Variants in CTNNA2 observed in about 807,000 individuals in gnomAD.
CTNNA2 encodes the protein catenin alpha-2.
In CTNNA2, 42 loss-of-function variants were observed where a neutral mutation model predicts 101.0. That is an observed-to-expected ratio of 0.42 (90% CI 0.32 to 0.54). The LOEUF (loss-of-function observed/expected upper bound fraction) is 0.54. CTNNA2 is among the 20% of genes least tolerant of loss of function. CTNNA2 has a pLI of 0.14. For missense variants in CTNNA2, 871 were observed against 1,223.1 expected (o/e 0.71, Z 4.29); for synonymous variants, 450 against 456.4 (o/e 0.99, Z 0.18).
chr2:79,586,477 C>G (rs1676492809), intron 1 of CTNNA2, among the ~76,000 whole-genome samples: 1 of 151,682 alleles, frequency 6.6e-6, no homozygotes, highest in African/African-American at 2.4e-5. Flanking sequence ...TTTTTCTTTT[C>G]TACAAAGCCT....
chr2:80,208,147 A>G (rs1707645689), intron 7 of CTNNA2, among the ~76,000 whole-genome samples: 1 of 152,320 alleles, frequency 6.6e-6, no homozygotes, highest in South Asian at 2.1e-4. Context: ...CTTTATTTAC[A>G]GAAGGATTAC....
At chr2:79,959,044 G>C (rs1379801443) in intron 7 of CTNNA2, among the ~76,000 whole-genome samples, 1 of 144,070 alleles carries the variant, frequency 6.9e-6, no homozygotes, top group Non-Finnish European at 1.5e-5. Context: ...CTCGACTGTA[G>C]CTCCGTTTTT....
chr2:80,545,141 T>G, intron 10 of CTNNA2, 67 bp downstream of exon 10: 1 of 1,428,994 alleles, frequency 7.0e-7, no homozygotes, highest in Non-Finnish European at 9.7e-7. Context: ...CTTGTGCCCC[T>G]CCTTTTCCTT....
At chr2:79,654,890 A>AT (rs1465500697) in intron 2 of CTNNA2, among the ~76,000 whole-genome samples, 1 of 152,182 alleles carries the variant, frequency 6.6e-6, no homozygotes, top group East Asian at 1.9e-4. Context: ...TGATTCATGA[A>AT]TTTTTTATGG....
At chr2:79,202,337 T>G (rs986339093) in intron 2 of CTNNA2, among the ~76,000 whole-genome samples, 2 of 145,890 alleles carry the variant, frequency 1.4e-5, no homozygotes, top group African/African-American at 5.2e-5. Flanking sequence ...GTTTTTTTAT[T>G]TTTTTTATTT....
At chr2:79,819,763 G>A (rs548631779) in intron 3 of CTNNA2, among the ~76,000 whole-genome samples, 32 of 152,128 alleles carry the variant, frequency 2.1e-4, no homozygotes, top group Admixed American at 5.9e-4. Context: ...ATAATTGATT[G>A]TACATATTGT....
chr2:80,435,896 G>C (rs971569704), intron 9 of CTNNA2, among the ~76,000 whole-genome samples: 3 of 152,126 alleles, frequency 2.0e-5, no homozygotes, highest in Non-Finnish European at 4.4e-5. Context: ...ATAGTGCCCT[G>C]ACATATTGCA....
At chr2:80,596,566 C>T (rs1026463956) in intron 15 of CTNNA2, among the ~76,000 whole-genome samples, 1 of 151,758 alleles carries the variant, frequency 6.6e-6, no homozygotes, top group Non-Finnish European at 1.5e-5. Flanking sequence ...CCCACCTTGG[C>T]CTCTCAAAGT....
chr2:80,139,308 A>G (rs1480617879), intron 7 of CTNNA2, among the ~76,000 whole-genome samples: 1 of 152,168 alleles, frequency 6.6e-6, no homozygotes, highest in South Asian at 2.1e-4. Flanking sequence ...AAGCCACCTG[A>G]TGAAAAATGA....
At chr2:79,385,896 G>A (rs1189987640) in intron 4 of CTNNA2, among the ~76,000 whole-genome samples, 1 of 152,182 alleles carries the variant, frequency 6.6e-6, no homozygotes, top group Non-Finnish European at 1.5e-5. Context: ...GTATTTCATG[G>A]TGTATATGTG....
At chr2:80,496,098 G>A (rs1206385139) in intron 9 of CTNNA2, among the ~76,000 whole-genome samples, 1 of 152,094 alleles carries the variant, frequency 6.6e-6, no homozygotes, top group Non-Finnish European at 1.5e-5. Context: ...CACAGAAGAG[G>A]CAAGAAAGGA....
rs190933122 is a variant in CTNNA2 at position 80,339,247 on chromosome 2, C to T, written c.1057-53964C>T. On this transcript the variant is annotated intron_variant, in intron 7 of 18. Transcript: ENST00000402739. ...AGTTTCAATAATCAACTCTCTTTTG[C>T]AAGGAATAAAATATGTTATAGCCAG... Among the ~76,000 whole-genome samples, 512 of 152,074 alleles carry T rather than the reference C, an allele frequency of 3.4e-3. 2 individuals carry two copies. The highest frequency in any genetic ancestry group is 5.7e-3 in the Non-Finnish European group (391 of 68,012).
intron 7 of CTNNA2, among the ~76,000 whole-genome samples, chr2:80,027,277 C>T (rs879775149): frequency 7.9e-5 from 12 of 152,142 alleles, no homozygotes; most frequent in Admixed American, 2.0e-4. Flanking sequence ...CACAAAGGCC[C>T]GAGCTTGCTG....
At chr2:80,557,268 G>A (rs916130147) in intron 12 of CTNNA2, among the ~76,000 whole-genome samples, 2 of 152,176 alleles carry the variant, frequency 1.3e-5, no homozygotes, top group Admixed American at 1.3e-4. Flanking sequence ...TTTCACATAA[G>A]CTTGCCCTTT....
At chr2:79,589,502 A>G (rs1267216075) in intron 1 of CTNNA2, among the ~76,000 whole-genome samples, 1 of 151,880 alleles carries the variant, frequency 6.6e-6, no homozygotes, top group Non-Finnish European at 1.5e-5. Context: ...CTCCATTGCC[A>G]TTTAGAAGGT....
At chr2:80,075,626 A>ATT (rs1472017707) in intron 7 of CTNNA2, among the ~76,000 whole-genome samples, 6 of 105,668 alleles carry the variant, frequency 5.7e-5, no homozygotes, top group South Asian at 3.1e-4. Context: ...AAATATAAAT[A>ATT]TTTATACATG....
intron 7 of CTNNA2, among the ~76,000 whole-genome samples, chr2:79,953,044 A>G (rs182415951): frequency 3.9e-5 from 6 of 152,310 alleles, no homozygotes; most frequent in African/African-American, 1.4e-4. Flanking sequence ...ATGAATGAAG[A>G]TAATCCCTTT....
chr2:79,433,645 A>C (rs868014726), intron 4 of CTNNA2, among the ~76,000 whole-genome samples: 100 of 141,682 alleles, frequency 7.1e-4, no homozygotes, highest in African/African-American at 2.5e-3. Context: ...AAAAAAAAAA[A>C]AAACTCTTGT....
chr2:80,376,790 A>C (rs528133765), intron 7 of CTNNA2, among the ~76,000 whole-genome samples: 1 of 152,302 alleles, frequency 6.6e-6, no homozygotes, highest in African/African-American at 2.4e-5. Context: ...TAATTTCTGC[A>C]AGGCCATCCC....
Sources: allele counts gnomAD v4.1 joint callset (sites outside exome capture counted in the v4.1 genomes callset), GRCh38; gene constraint gnomAD v4.1.1; transcripts MANE v1.5; gene names NCBI Gene and HGNC (gene_info 2026-07-23, HGNC 2026-07-21).